Variants in FRMPD1 observed in about 807,000 individuals in gnomAD.
FRMPD1 encodes FERM and PDZ domain containing 1, also known as FERM and PDZ domain-containing protein 1.
In FRMPD1, 76 loss-of-function variants were observed where a neutral mutation model predicts 117.8. The observed-to-expected ratio is 0.65, with a 90% confidence interval of 0.54 to 0.78. FRMPD1 has a LOEUF of 0.78. Among genes scored for constraint, FRMPD1 ranks in the 30% least tolerant of loss-of-function variants. FRMPD1 has a pLI of 0.00. For synonymous variants in FRMPD1, 783 were observed against 770.4 expected, an observed-to-expected ratio of 1.02 and a Z score of -0.27; for missense variants, 1,786 against 1,964.5, an observed-to-expected ratio of 0.91 and a Z score of 1.72.
rs1031152905 is a variant in FRMPD1 at position 37,728,915 on chromosome 9, A to G, written c.613-813A>G. Among the ~76,000 whole-genome samples the G allele has an allele frequency of 9.3e-5, 14 of 151,234 alleles. No individual in the cohort carries two copies. The East Asian group carries it at 2.7e-3, about 30-fold the overall frequency. ...GTGGCGGCGGTTGCAGTGAGCTGAG[A>G]TCACAGCATTGCACTCCAGCCTGGG... On this transcript the variant is annotated intron_variant, in intron 7 of 15. Coordinates refer to ENST00000377765, the MANE Select transcript of FRMPD1 (RefSeq NM_014907.3).
At chr9:37,668,851 T>C (rs1050145809) in intron 1 of FRMPD1, among the ~76,000 whole-genome samples, 4 of 152,218 alleles carry the variant, frequency 2.6e-5, no homozygotes, top group Admixed American at 2.0e-4. Context: ...CACATTTGTT[T>C]TGTGTTTTCA....
intron 2 of FRMPD1, among the ~76,000 whole-genome samples, chr9:37,702,015 A>G (rs1246450318): frequency 6.6e-6 from 1 of 152,186 alleles, no homozygotes; most frequent in African/African-American, 2.4e-5. Flanking sequence ...AGCAATTGTC[A>G]TTATCCTTAT....
chr9:37,645,113 A>G, the FRMPD1 span, among the ~76,000 whole-genome samples: 46 of 147,828 alleles, frequency 3.1e-4, no homozygotes, highest in Non-Finnish European at 6.0e-4. Context: ...AAAAAAAAAA[A>G]AGAGAGAGAG....
At chr9:37,652,286 G>A (rs1366634508) in intron 1 of FRMPD1, among the ~76,000 whole-genome samples, 2 of 152,228 alleles carry the variant, frequency 1.3e-5, no homozygotes, top group Non-Finnish European at 2.9e-5. Flanking sequence ...TTTGGTCGGT[G>A]TTGAGTATGG....
At chr9:37,744,224 C>G (rs1824567579) in intron 15 of FRMPD1, among the ~76,000 whole-genome samples, 165 bp from the exon 16 acceptor site, 1 of 152,150 alleles carries the variant, frequency 6.6e-6, no homozygotes, top group Non-Finnish European at 1.5e-5. Context: ...CAATTATTAT[C>G]CCCATCTTTC....
rs1821141045 is a variant in FRMPD1 at position 37,665,788 on chromosome 9, G to A, written c.-5+14694G>A. 3.3e-5 allele frequency among the ~76,000 whole-genome samples: 5 copies of A among 152,138 alleles called. 1 individual carries two copies. The South Asian group carries it at 1.0e-3, about 32-fold the overall frequency. On this transcript the variant is annotated intron_variant, in intron 1 of 15. Coordinates refer to ENST00000377765, the MANE Select transcript of FRMPD1 (RefSeq NM_014907.3). The stretch of plus-strand genomic sequence containing the variant: ...CTTTGCTCCTGAAGTCTTTGGCAAC[G>A]TTGGGGTGGTCAGAAACCACTCCTG...
chr9:37,652,380 C>T (rs1004689466), intron 1 of FRMPD1, among the ~76,000 whole-genome samples: 2 of 152,208 alleles, frequency 1.3e-5, no homozygotes, highest in Non-Finnish European at 2.9e-5. Context: ...AGGTAGTTAA[C>T]TGTGATATGC....
At chr9:37,710,959 CAAAAAAA>C (rs33962036) in intron 4 of FRMPD1, among the ~76,000 whole-genome samples, 2 of 106,946 alleles carry the variant, frequency 1.9e-5, no homozygotes, top group African/African-American at 3.6e-5. Flanking sequence ...CTCTGTCTCA[CAAAAAAA>C]AAAAAAAAAA....
chr9:37,691,561 T>C (rs1222881541), intron 1 of FRMPD1, among the ~76,000 whole-genome samples: 1 of 152,254 alleles, frequency 6.6e-6, no homozygotes, highest in East Asian at 1.9e-4. Context: ...CTATATTATC[T>C]TTGCAAACTT....
chr9:37,744,373 C>T lies in FRMPD1; in HGVS notation c.2357-16C>T. On this transcript the variant is annotated splice_polypyrimidine_tract_variant and intron_variant, in intron 15 of 15. Transcript: ENST00000377765. Reference sequence around the variant, plus strand: ...TTTTGTGCTTTTTAATGTATTTTTTCTTTCCTGACTCCCAGGGCCCAGAGA... The same window carrying T: ...TTTTGTGCTTTTTAATGTATTTTTTTTTTCCTGACTCCCAGGGCCCAGAGA... 2 of 1,546,940 alleles carry T rather than the reference C, an allele frequency of 1.3e-6. No individual in the cohort carries two copies. The highest frequency in any genetic ancestry group is 2.1e-5 in the Admixed American group (1 of 48,716).
intron 1 of FRMPD1, among the ~76,000 whole-genome samples, chr9:37,655,852 C>G (rs1421041019): frequency 6.6e-6 from 1 of 152,086 alleles, no homozygotes; most frequent in African/African-American, 2.4e-5. Context: ...TTTGCTCCCC[C>G]GTCTAGCCCC....
At chr9:37,710,368 A>G (rs1469812474) in intron 4 of FRMPD1, among the ~76,000 whole-genome samples, 1 of 152,244 alleles carries the variant, frequency 6.6e-6, no homozygotes, top group Non-Finnish European at 1.5e-5. Context: ...AGTGGCAAAG[A>G]GAAAGGAAAA....
intron 15 of FRMPD1, among the ~76,000 whole-genome samples, chr9:37,742,116 A>G (rs775831004): frequency 5.9e-5 from 9 of 152,218 alleles, no homozygotes; most frequent in Non-Finnish European, 1.2e-4. Context: ...TCCCCAGCAC[A>G]CAGCGTCTAG....
intron 1 of FRMPD1, among the ~76,000 whole-genome samples, chr9:37,659,212 C>G (rs1384684882): frequency 1.1e-4 from 16 of 152,150 alleles, no homozygotes; most frequent in Admixed American, 9.8e-4. Context: ...GCCATTGGCT[C>G]TCTACTTTCT....
chr9:37,691,705 A>C (rs531458754), intron 1 of FRMPD1, among the ~76,000 whole-genome samples: 1 of 152,308 alleles, frequency 6.6e-6, no homozygotes, highest in South Asian at 2.1e-4. Flanking sequence ...GGCGTTCAAG[A>C]CCAGCCTGGC....
chr9:37,726,738 A>G (rs1823633354), intron 7 of FRMPD1, among the ~76,000 whole-genome samples: 1 of 152,110 alleles, frequency 6.6e-6, no homozygotes, highest in African/African-American at 2.4e-5. Context: ...TAAATTACCC[A>G]GGGTTATACT....
At chr9:37,732,571 T>C (rs1204338444) in intron 10 of FRMPD1, 131 bp downstream of exon 10, 7 of 883,412 alleles carry the variant, frequency 7.9e-6, no homozygotes, top group Admixed American at 3.1e-5. Context: ...TCCATTTCCC[T>C]CTGCACCCTC....
intron 1 of FRMPD1, among the ~76,000 whole-genome samples, chr9:37,677,509 A>C (rs1297290184): frequency 6.6e-6 from 1 of 152,126 alleles, no homozygotes; most frequent in Non-Finnish European, 1.5e-5. Flanking sequence ...TATATTATCT[A>C]ATTTACTGTG....
intron 5 of FRMPD1, among the ~76,000 whole-genome samples, chr9:37,714,576 G>T (rs1229155606): frequency 6.9e-6 from 1 of 144,538 alleles, no homozygotes; most frequent in Non-Finnish European, 1.5e-5. Flanking sequence ...CTCCGAAGAA[G>T]TTTATTTTAT....
Sources: allele counts gnomAD v4.1 joint callset (sites outside exome capture counted in the v4.1 genomes callset), GRCh38; gene constraint gnomAD v4.1.1; transcripts MANE v1.5; gene names NCBI Gene and HGNC (gene_info 2026-07-23, HGNC 2026-07-21).